OLFML1: variants seen among roughly 807,000 people sequenced by gnomAD.
OLFML1 encodes the protein olfactomedin like 1, also known as olfactomedin-like protein 1.
A neutral mutation model predicts 37.3 loss-of-function variants in OLFML1; 33 were observed. That is an observed-to-expected ratio of 0.88 (90% CI 0.67 to 1.18). The LOEUF (loss-of-function observed/expected upper bound fraction) is 1.18. OLFML1 is among the 50% of genes most tolerant of loss of function. The pLI is 0.00. For synonymous variants in OLFML1, 186 were observed against 181.3 expected (o/e 1.03, Z -0.21); for missense variants, 545 against 483.7 (o/e 1.13, Z -1.19).
intron 2 of OLFML1, among the ~76,000 whole-genome samples, chr11:7,502,246 C>G (rs796753580): frequency 1.1e-4 from 17 of 152,322 alleles, no homozygotes; most frequent in African/African-American, 4.1e-4. Flanking sequence ...CCAATGTAAT[C>G]ACAACACAGT....
At chr11:7,507,054 A>G (rs1848793823) in intron 2 of OLFML1, among the ~76,000 whole-genome samples, 1 of 152,188 alleles carries the variant, frequency 6.6e-6, no homozygotes, top group African/African-American at 2.4e-5. Flanking sequence ...TGCTCCATGC[A>G]TATAGGGTAG....
intron 2 of OLFML1, among the ~76,000 whole-genome samples, chr11:7,489,920 A>G (rs770557961): frequency 1.3e-5 from 2 of 152,014 alleles, no homozygotes; most frequent in Non-Finnish European, 2.9e-5. Context: ...TAGTTCATTT[A>G]TTGGCTCATA....
chr11:7,485,722 A>G lies in OLFML1; in HGVS notation c.-154A>G, dbSNP rs1848512328. ...AAACTGAGCTCACGTATCGGGTGGA[A>G]TAACAAGCGGACTTTGCTCTCTGCT... is the stretch of plus-strand genomic sequence containing the variant. On this transcript the variant is annotated 5_prime_UTR_variant, in exon 1 of 3. Coordinates refer to ENST00000329293, the MANE Select transcript of OLFML1 (RefSeq NM_198474.4). The G allele has an allele frequency of 4.0e-6, 3 of 758,678 alleles. No homozygotes were observed. Among genetic ancestry groups the G allele is most frequent in the East Asian group, 2.5e-5 (1 of 39,868 alleles). 47.0% of individuals were successfully genotyped at this position (758,678 alleles called of 1,614,324 possible). A position where few individuals can be genotyped will look rare whatever the true frequency, so the allele number is the denominator to read the frequency against.
intron 2 of OLFML1, among the ~76,000 whole-genome samples, chr11:7,494,092 T>TGGC (rs1848634165): frequency 6.6e-6 from 1 of 152,216 alleles, no homozygotes; most frequent in Non-Finnish European, 1.5e-5. Flanking sequence ...CAAGCTGAGT[T>TGGC]TTAATCATGG....
chr11:7,500,576 G>C (rs1267586573), intron 2 of OLFML1, among the ~76,000 whole-genome samples: 1 of 151,958 alleles, frequency 6.6e-6, no homozygotes, highest in East Asian at 1.9e-4. Flanking sequence ...AAGCCTTAAT[G>C]TTTCCTCATT....
intron 2 of OLFML1, among the ~76,000 whole-genome samples, chr11:7,508,156 C>T (rs1312260587): frequency 6.6e-6 from 1 of 152,176 alleles, no homozygotes. Flanking sequence ...AGGTCTTCAT[C>T]CGCATCATCC....
chr11:7,490,918 G>T (rs1476030552), intron 2 of OLFML1, among the ~76,000 whole-genome samples: 1 of 151,968 alleles, frequency 6.6e-6, no homozygotes, highest in Non-Finnish European at 1.5e-5. Context: ...CCTCTGTGTA[G>T]AATGTATTTT....
At chr11:7,505,441 G>A (rs1490062559) in intron 2 of OLFML1, among the ~76,000 whole-genome samples, 2 of 152,184 alleles carry the variant, frequency 1.3e-5, no homozygotes. Context: ...AGGTAGACCT[G>A]CAAGTTTCCT....
Position 7,506,106 on chromosome 11 carries a change from A to T in OLFML1, c.419-3292A>T, listed in dbSNP as rs527760915. ...AGATACAGAGTATAGCCTACTCTGT[A>T]GGAGAAGCTGGCTATAAAATGATGG... On this transcript the variant is annotated intron_variant, in intron 2 of 2. Transcript: ENST00000329293. Among the ~76,000 whole-genome samples the T allele has an allele frequency of 2.0e-5, 3 of 152,358 alleles. No individual in the cohort carries two copies. In the East Asian group the frequency reaches 5.8e-4, roughly 29 times the overall value.
intron 2 of OLFML1, among the ~76,000 whole-genome samples, chr11:7,495,527 G>A (rs1369872743): frequency 6.6e-6 from 1 of 152,084 alleles, no homozygotes; most frequent in Non-Finnish European, 1.5e-5. Flanking sequence ...CAGCAACTTT[G>A]AGTATCCCTC....
At chr11:7,486,114 C>A in intron 1 of OLFML1, 110 bp downstream of exon 1, 1 of 1,069,776 alleles carries the variant, frequency 9.3e-7, no homozygotes, top group Non-Finnish European at 1.4e-6. Flanking sequence ...TAGCAAATGA[C>A]ACATTGCCAA....
chr11:7,501,979 T>C (rs1339530006), intron 2 of OLFML1, among the ~76,000 whole-genome samples: 1 of 151,944 alleles, frequency 6.6e-6, no homozygotes, highest in African/African-American at 2.4e-5. Context: ...ATAAAACAGA[T>C]GAAATAATTA....
At position 7,501,742 on chromosome 11, in the gene OLFML1, T is replaced by G. The variant is rs534286049; in HGVS notation, c.419-7656T>G. On this transcript the variant is annotated intron_variant, in intron 2 of 2. Coordinates refer to ENST00000329293, the MANE Select transcript of OLFML1 (RefSeq NM_198474.4). ...TAAAAGCTTTAAAGTACTTTACAAG[T>G]TATTATTTACTTAAGATAGGCCTGC... Among the ~76,000 whole-genome samples the G allele has an allele frequency of 7.2e-5, 11 of 152,356 alleles. No homozygotes were observed. The South Asian group carries it at 2.3e-3, about 32-fold the overall frequency.
chr11:7,488,326 AGTG>A lies in OLFML1; in HGVS notation c.330_332del (p.Glu110_Cys111delinsAsp). 1.2e-6 allele frequency: 2 copies of A among 1,614,116 alleles called. No homozygotes were observed. Among genetic ancestry groups the A allele is most frequent in the Non-Finnish European group, 1.7e-6 (2 of 1,179,982 alleles). ...ATACAATACCTTCGAGAGGCTGACG[AGTG>A]CATCGAATCAGAGGACAAGACACTG... On this transcript the variant is annotated inframe_deletion, in exon 2 of 3. Transcript: ENST00000329293.
At chr11:7,491,856 C>T (rs1848602156) in intron 2 of OLFML1, among the ~76,000 whole-genome samples, 2 of 133,306 alleles carry the variant, frequency 1.5e-5, no homozygotes, top group Non-Finnish European at 3.3e-5. Context: ...GCTATTGCTC[C>T]TTCAAGTAGA....
chr11:7,494,622 C>T (rs917020454), intron 2 of OLFML1, among the ~76,000 whole-genome samples: 1 of 152,178 alleles, frequency 6.6e-6, no homozygotes, highest in Admixed American at 6.5e-5. Flanking sequence ...CAGTGATAAG[C>T]ATGGGAGTGT....
intron 2 of OLFML1, 41 bp from the exon 3 acceptor site, chr11:7,509,357 T>C (rs776603345): frequency 1.0e-4 from 151 of 1,487,628 alleles, no homozygotes; most frequent in Non-Finnish European, 1.2e-4. Flanking sequence ...AGACAGCTCA[T>C]GTTTATAAAG....
chr11:7,503,301 T>C (rs996072891), intron 2 of OLFML1, among the ~76,000 whole-genome samples: 3 of 150,012 alleles, frequency 2.0e-5, no homozygotes, highest in Admixed American at 1.3e-4. Context: ...AAGAGGGAGA[T>C]GAGGAGAAAC....
chr11:7,497,767 C>A (rs186168485), intron 2 of OLFML1, among the ~76,000 whole-genome samples: 1 of 152,154 alleles, frequency 6.6e-6, no homozygotes, highest in East Asian at 1.9e-4. Flanking sequence ...GCTAGAAAAA[C>A]CTATGATACG....
Sources: gnomAD v4.1 joint callset for allele counts (sites outside exome capture counted in the v4.1 genomes callset) on GRCh38, gnomAD v4.1.1 for gene constraint, MANE v1.5 for transcripts, NCBI Gene and HGNC (gene_info 2026-07-23, HGNC 2026-07-21) for gene names.